Variants in UGT1A6 observed in about 807,000 individuals in gnomAD.
UGT1A6 encodes the protein UDP glucuronosyltransferase family 1 member A6, also known as UDP-glucuronosyltransferase 1A6.
A neutral mutation model predicts 44.4 loss-of-function variants in UGT1A6; 32 were observed. That is an observed-to-expected ratio of 0.72 (90% CI 0.54 to 0.97). UGT1A6 has a LOEUF of 0.97. Ranked by LOEUF, UGT1A6 falls within the 50% of genes least tolerant of loss-of-function variation. UGT1A6 has a pLI of 0.00. For missense variants in UGT1A6, 685 were observed against 661.9 expected (o/e 1.03, Z -0.38); for synonymous variants, 238 against 248.5 (o/e 0.96, Z 0.40).
chr2:233,760,536 C>T (rs2125985634), intron 1 of UGT1A6: 27 of 1,614,224 alleles, frequency 1.7e-5, no homozygotes, highest in Non-Finnish European at 2.3e-5. Flanking sequence ...CTGTGCCATT[C>T]CAAAGGGAGG....
At chr2:233,705,882 G>T (rs1372045008) in intron 1 of UGT1A6, among the ~76,000 whole-genome samples, 1 of 152,150 alleles carries the variant, frequency 6.6e-6, no homozygotes, top group Non-Finnish European at 1.5e-5. Flanking sequence ...GAGGCCAGGA[G>T]TTCAAGACTG....
rs145551470 is a variant in UGT1A6 at position 233,693,565 on chromosome 2, C to T, written c.561C>T (p.Asp187=). 1.5e-4 allele frequency: 249 copies of T among 1,614,094 alleles called. No individual in the cohort carries two copies. Among genetic ancestry groups the T allele is most frequent in the Non-Finnish European group, 2.0e-4 (238 of 1,180,046 alleles). The part of the protein sequence containing the change: ...SLEHTFSRSP[D]PVSYIPRCYT... ...AGCATACATTCAGCAGAAGCCCAGA[C>T]CCTGTGTCCTACATTCCCAGGTGCT... Residue 187 remains aspartate, a synonymous_variant, in exon 1 of 5, where the codon GAC becomes GAT. Coordinates refer to ENST00000305139, the MANE Select transcript of UGT1A6 (RefSeq NM_001072.4).
intron 1 of UGT1A6, chr2:233,760,364 A>G (rs1697418455): frequency 1.9e-6 from 3 of 1,614,036 alleles, no homozygotes; most frequent in Non-Finnish European, 2.5e-6. Flanking sequence ...GTGGTGTCCC[A>G]TGCTGGGAAG....
At position 233,693,769 on chromosome 2, in the gene UGT1A6, A is replaced by C. The variant is rs1451230147; in HGVS notation, c.765A>C (p.Leu255Phe). 3 of 1,614,160 alleles carry C rather than the reference A, an allele frequency of 1.9e-6. No individual in the cohort carries two copies. The highest frequency in any genetic ancestry group is 1.7e-6 in the Non-Finnish European group (2 of 1,179,976). ...TLYQKVSVWLLRYDFVLEYPR... is the reference protein window; with the variant it reads ...TLYQKVSVWLFRYDFVLEYPR... The stretch of plus-strand genomic sequence containing the variant: ...ATCAGAAGGTCTCTGTTTGGCTGTT[A>C]AGATATGACTTTGTGCTTGAATATC... Residue 255 changes from leucine (L) to phenylalanine (F), a missense_variant, in exon 1 of 5, where the codon TTA becomes TTC. By Grantham distance (22) the Leu-to-Phe change is conservative (BLOSUM62 0). Coordinates refer to ENST00000305139, the MANE Select transcript of UGT1A6 (RefSeq NM_001072.4).
chr2:233,738,758 A>C (rs1324483464), intron 1 of UGT1A6, among the ~76,000 whole-genome samples: 1 of 152,234 alleles, frequency 6.6e-6, no homozygotes, highest in Non-Finnish European at 1.5e-5. Flanking sequence ...AGAAAAGAAA[A>C]ACCCATTTTA....
At position 233,769,432 on chromosome 2, in the gene UGT1A6, C is replaced by T; in HGVS notation, c.1301+993C>T. On this transcript the variant is annotated intron_variant, in intron 4 of 4. Transcript: ENST00000305139. The surrounding 1 kb of genome is among the most constrained non-coding windows in gnomAD (Gnocchi z 4.4). Reference sequence around the variant, plus strand: ...GTGCGTTTGTGCATGTGGCTGTGCTCATGTGTGGGTGCACACGTGTGCATT... The same window carrying T: ...GTGCGTTTGTGCATGTGGCTGTGCTTATGTGTGGGTGCACACGTGTGCATT... 2 of 1,545,990 alleles carry T rather than the reference C, an allele frequency of 1.3e-6. No homozygotes were observed. The highest frequency in any genetic ancestry group is 1.8e-6 in the Non-Finnish European group (2 of 1,125,632).
chr2:233,719,313 C>T (rs745591224), intron 1 of UGT1A6: 2 of 1,613,954 alleles, frequency 1.2e-6, no homozygotes, highest in Non-Finnish European at 8.5e-7. Flanking sequence ...GGCTAAGTAC[C>T]TGTCGATTCC....
intron 1 of UGT1A6, among the ~76,000 whole-genome samples, chr2:233,756,911 G>A (rs1386201221): frequency 6.6e-6 from 1 of 152,014 alleles, no homozygotes; most frequent in African/African-American, 2.4e-5. Flanking sequence ...ACAAACTTCT[G>A]AGTTTATATA....
intron 1 of UGT1A6, among the ~76,000 whole-genome samples, chr2:233,700,769 C>T (rs984104933): frequency 2.6e-5 from 4 of 151,824 alleles, no homozygotes; most frequent in South Asian, 4.2e-4. Context: ...ATGTGCACAA[C>T]GTACAGGTTT....
chr2:233,716,529 A>T (rs1261815071), intron 1 of UGT1A6, among the ~76,000 whole-genome samples: 1 of 152,154 alleles, frequency 6.6e-6, no homozygotes, highest in Non-Finnish European at 1.5e-5. Flanking sequence ...CCATTCAATT[A>T]TCTCCTTTCT....
At chr2:233,766,701 C>T (rs1699231181) in intron 1 of UGT1A6, among the ~76,000 whole-genome samples, 1 of 152,122 alleles carries the variant, frequency 6.6e-6, no homozygotes, top group Admixed American at 6.5e-5. Flanking sequence ...ATGCCTTGCT[C>T]TGTGTTCTCT....
In UGT1A6 at chr2:233,717,706, G is replaced by C. The variant is rs578061394; in HGVS notation, c.861+23841G>C. On this transcript the variant is annotated intron_variant, in intron 1 of 4. Transcript: ENST00000305139. The stretch of plus-strand genomic sequence containing the variant: ...TAGGAGTGACTTTCTGGAGCAGGAC[G>C]AGCCTCATGGGCATGAGACCATTGT... The C allele has an allele frequency of 8.4e-4, 379 of 451,272 alleles. 6 individuals carry two copies. The highest frequency in any genetic ancestry group is 5.8e-3 in the South Asian group (371 of 64,162). 28.0% of individuals were successfully genotyped at this position (451,272 alleles called of 1,614,324 possible). A position where few individuals can be genotyped will look rare whatever the true frequency, so the allele number is the denominator to read the frequency against.
intron 1 of UGT1A6, among the ~76,000 whole-genome samples, chr2:233,703,998 C>A (rs2075762897): frequency 6.6e-6 from 1 of 151,952 alleles, no homozygotes; most frequent in South Asian, 2.1e-4. Flanking sequence ...TCAAGCAGTT[C>A]TCCCACCTCA....
At chr2:233,700,286 G>A (rs758279601) in intron 1 of UGT1A6, among the ~76,000 whole-genome samples, 17 of 152,194 alleles carry the variant, frequency 1.1e-4, no homozygotes, top group Admixed American at 7.9e-4. Flanking sequence ...TTTAAAATAC[G>A]TGACTTAGGC....
In UGT1A6 at chr2:233,724,166, C is replaced by A. The variant is rs1252861815; in HGVS notation, c.861+30301C>A. 7.0e-5 allele frequency among the ~76,000 whole-genome samples: 8 copies of A among 114,362 alleles called. No individual in the cohort carries two copies. In the East Asian group the frequency reaches 1.8e-3, roughly 26 times the overall value. The allele number at this position is 114,362 out of a possible 152,430, so 75.0% of individuals were successfully genotyped here. On this transcript the variant is annotated intron_variant, in intron 1 of 4. Transcript: ENST00000305139. Reference sequence around the variant, plus strand: ...CGGCTGGCCGGGTGGGGGGGCTGACCCCCCCATCTCCCTCCCGGACGGGGT... The same window carrying A: ...CGGCTGGCCGGGTGGGGGGGCTGACACCCCCATCTCCCTCCCGGACGGGGT...
Position 233,693,787 on chromosome 2 carries a change from T to G in UGT1A6, c.783T>G (p.Leu261=), listed in dbSNP as rs202244084. The G allele has an allele frequency of 5.0e-6, 8 of 1,614,234 alleles. No individual in the cohort carries two copies. In the East Asian group the frequency reaches 1.8e-4, roughly 36 times the overall value. ...SVWLLRYDFV[L]EYPRPVMPNM... ...GGCTGTTAAGATATGACTTTGTGCT[T>G]GAATATCCTAGGCCGGTCATGCCCA... The change falls in exon 1 of 5, where the codon CTT becomes CTG. Residue 261 remains leucine, a synonymous_variant. Coordinates refer to ENST00000305139, the MANE Select transcript of UGT1A6 (RefSeq NM_001072.4).
At chr2:233,714,597 G>T (rs1437525626) in intron 1 of UGT1A6, among the ~76,000 whole-genome samples, 2 of 152,186 alleles carry the variant, frequency 1.3e-5, no homozygotes, top group Admixed American at 6.5e-5. Context: ...TTTCTAGTGG[G>T]CATGTTAAAC....
In UGT1A6 at chr2:233,769,405, G is replaced by A. The variant is rs932646645; in HGVS notation, c.1301+966G>A. On this transcript the variant is annotated intron_variant, in intron 4 of 4. Coordinates refer to ENST00000305139, the MANE Select transcript of UGT1A6 (RefSeq NM_001072.4). This position sits in a 1 kb window ranked among gnomAD's most constrained non-coding sequence, Gnocchi z 4.4. ...CAATAGATACTGTGTGCATATGTGC[G>A]TGTGCGTTTGTGCATGTGGCTGTGC... 111 of 1,239,692 alleles carry A rather than the reference G, an allele frequency of 9.0e-5. No homozygotes were observed. The South Asian group carries it at 1.2e-3, about 14-fold the overall frequency. The allele number at this position is 1,239,692 out of a possible 1,614,324, so 76.8% of individuals were successfully genotyped here.
intron 1 of UGT1A6, chr2:233,743,844 TGCGGTACGC>T: frequency 7.3e-7 from 1 of 1,367,272 alleles, no homozygotes; most frequent in Non-Finnish European, 9.8e-7. Context: ...AGCGCCAGCT[TGCGGTACGC>T]CTTCTTGATG....
Sources: gnomAD v4.1 joint callset for allele counts (sites outside exome capture counted in the v4.1 genomes callset) on GRCh38, gnomAD v4.1.1 for gene constraint, Gnocchi (gnomAD v3.1) non-coding constraint, MANE v1.5 for transcripts, NCBI Gene and HGNC (gene_info 2026-07-23, HGNC 2026-07-21) for gene names.